ST18: variants seen among roughly 807,000 people sequenced by gnomAD.
ST18 encodes ST18 C2H2C-type zinc finger transcription factor, also known as suppression of tumorigenicity 18 protein.
A neutral mutation model predicts 110.0 loss-of-function variants in ST18; 50 were observed. That is an observed-to-expected ratio of 0.45 (90% CI 0.36 to 0.58). The LOEUF (loss-of-function observed/expected upper bound fraction) is 0.58, where lower values mean the gene tolerates loss of function less well. Among genes scored for constraint, ST18 ranks in the 20% least tolerant of loss-of-function variants. ST18 has a pLI of 0.00. For missense variants in ST18, 1,306 were observed against 1,280.1 expected (o/e 1.02, Z -0.31); for synonymous variants, 461 against 452.4 (o/e 1.02, Z -0.24).
chr8:52,297,527 A>T (rs957571013), intron 2 of ST18, among the ~76,000 whole-genome samples: 9 of 152,246 alleles, frequency 5.9e-5, no homozygotes, highest in African/African-American at 2.2e-4. Flanking sequence ...CCTAGAAAAA[A>T]TAGTATGTTT....
chr8:52,393,360 G>C (rs970703616), intron 2 of ST18, among the ~76,000 whole-genome samples: 1 of 152,088 alleles, frequency 6.6e-6, no homozygotes, highest in African/African-American at 2.4e-5. Flanking sequence ...AGAGAATAAC[G>C]CATGTGCAGC....
chr8:52,374,789 T>C (rs1442645582), intron 2 of ST18, among the ~76,000 whole-genome samples: 2 of 152,146 alleles, frequency 1.3e-5, no homozygotes, highest in Non-Finnish European at 2.9e-5. Context: ...TGGTGTTTGG[T>C]TTTCTGTTCC....
rs1416701721 is a variant in ST18 at position 52,373,046 on chromosome 8, G to A, written c.-465+36282C>T. Among the ~76,000 whole-genome samples, 12 of 152,336 alleles carry A rather than the reference G, an allele frequency of 7.9e-5. 1 individual carries two copies. In the South Asian group the frequency reaches 2.5e-3, roughly 32 times the overall value. On this transcript the variant is annotated intron_variant, in intron 2 of 25. Transcript: ENST00000689386. ...TTTGGGGGTACCCAGGAGTTCTGCA[G>A]AGGAGCCTCAGTTATGAGGTCAGCA...
chr8:52,247,559 T>C (rs1039597915), intron 2 of ST18, among the ~76,000 whole-genome samples: 1 of 152,196 alleles, frequency 6.6e-6, no homozygotes, highest in Non-Finnish European at 1.5e-5. Context: ...AGTTATGTTT[T>C]CTGAAACATT....
In ST18 at chr8:52,130,905, C is replaced by CAT. The variant is rs2049314515; in HGVS notation, c.2666+1051_2666+1052dup. ...ATTGTACAGTAAATGTGCCATTAGGCATACTTGATTTGTGACTGAAGTTCC... is the reference window on the plus strand; with the variant it reads ...ATTGTACAGTAAATGTGCCATTAGGCATATACTTGATTTGTGACTGAAGTTCC... On this transcript the variant is annotated intron_variant, in intron 22 of 25. Coordinates refer to ENST00000689386, the MANE Select transcript of ST18 (RefSeq NM_001352837.2). 2.0e-5 allele frequency among the ~76,000 whole-genome samples: 3 copies of CAT among 152,142 alleles called. No individual in the cohort carries two copies. The South Asian group carries it at 6.2e-4, about 32-fold the overall frequency.
intron 2 of ST18, among the ~76,000 whole-genome samples, chr8:52,378,560 C>T (rs1484929080): frequency 6.6e-6 from 1 of 152,066 alleles, no homozygotes; most frequent in Non-Finnish European, 1.5e-5. Context: ...GCCAGGAGGG[C>T]AGGCAGTCGT....
intron 2 of ST18, among the ~76,000 whole-genome samples, chr8:52,231,759 G>A (rs1012914056): frequency 1.3e-5 from 2 of 152,232 alleles, no homozygotes; most frequent in Non-Finnish European, 2.9e-5. Flanking sequence ...ACAGGTGTGA[G>A]CTGCAGTGCC....
At chr8:52,299,952 C>T (rs2095691933) in intron 2 of ST18, among the ~76,000 whole-genome samples, 1 of 152,182 alleles carries the variant, frequency 6.6e-6, no homozygotes, top group African/African-American at 2.4e-5. Context: ...CCTTCCTGTG[C>T]CTCTTGTGGC....
chr8:52,402,541 C>A (rs941814953), intron 2 of ST18, among the ~76,000 whole-genome samples: 4 of 152,112 alleles, frequency 2.6e-5, no homozygotes, highest in Non-Finnish European at 5.9e-5. Context: ...GACGCTCAGT[C>A]CCCAGAGAGC....
intron 2 of ST18, among the ~76,000 whole-genome samples, chr8:52,378,116 A>G (rs1432350800): frequency 6.6e-6 from 1 of 152,176 alleles, no homozygotes; most frequent in East Asian, 1.9e-4. Flanking sequence ...AGGGAGGGGA[A>G]TAGAGAAAGG....
intron 2 of ST18, among the ~76,000 whole-genome samples, chr8:52,357,947 T>C (rs1447798872): frequency 6.6e-6 from 1 of 151,044 alleles, no homozygotes; most frequent in East Asian, 1.9e-4. Flanking sequence ...AGACCATATG[T>C]TGAACCACAA....
At chr8:52,378,981 C>A (rs909663587) in intron 2 of ST18, among the ~76,000 whole-genome samples, 1 of 152,086 alleles carries the variant, frequency 6.6e-6, no homozygotes, top group African/African-American at 2.4e-5. Context: ...TTTCAATTGT[C>A]ATAATTCTTG....
chr8:52,220,922 TTAAA>T (rs1221181480), intron 4 of ST18, 74 bp from the exon 5 acceptor site: 1 of 152,176 alleles, frequency 6.6e-6, no homozygotes, highest in Non-Finnish European at 1.5e-5. Context: ...CAATAAACAC[TTAAA>T]TGAACAATCA....
chr8:52,225,641 G>A (rs531724474), intron 3 of ST18, among the ~76,000 whole-genome samples: 2 of 152,300 alleles, frequency 1.3e-5, no homozygotes, highest in African/African-American at 4.8e-5. Context: ...GGTGATGGAG[G>A]AGAAAGAGCC....
intron 2 of ST18, among the ~76,000 whole-genome samples, chr8:52,265,749 A>G (rs1285019709): frequency 1.3e-5 from 2 of 152,222 alleles, no homozygotes; most frequent in East Asian, 3.8e-4. Context: ...CCATGATAAA[A>G]TTAAGAATAA....
intron 2 of ST18, among the ~76,000 whole-genome samples, chr8:52,243,650 A>C (rs567855068): frequency 1.3e-5 from 2 of 152,228 alleles, no homozygotes; most frequent in Non-Finnish European, 2.9e-5. Flanking sequence ...ATTAAATTAT[A>C]TAATGCATGT....
chr8:52,201,871 G>A (rs7840334), intron 8 of ST18, among the ~76,000 whole-genome samples: 34,913 of 152,156 alleles, frequency 0.23, 4,865 homozygotes, highest in African/African-American at 0.39. Context: ...ATGACCAAAT[G>A]AGACCAAGTG....
intron 19 of ST18, among the ~76,000 whole-genome samples, chr8:52,135,356 T>C (rs1414205157): frequency 6.7e-6 from 1 of 150,110 alleles, no homozygotes; most frequent in East Asian, 2.0e-4. Context: ...GGGTCAGGAG[T>C]TTGAGACCAG....
In ST18 at chr8:52,172,500, A is replaced by G; in HGVS notation, c.361T>C (p.Cys121Arg). ...NSSRKEDRYS[C>R]YQELMVKSLM... ...GACTTGACCATGAGCTCTTGATAAC[A>G]AGAGTATCTGTCTTCCTTCCTACTG... The change falls in exon 10 of 26, where the codon TGT becomes CGT. Residue 121 changes from cysteine to arginine, a missense_variant. Physicochemically the swap from Cys to Arg is radical, Grantham distance 180 (BLOSUM62 -3). Transcript: ENST00000689386. The G allele has an allele frequency of 1.2e-6, 2 of 1,613,760 alleles. No individual in the cohort carries two copies. The highest frequency in any genetic ancestry group is 1.7e-6 in the Non-Finnish European group (2 of 1,179,992).
Sources: gnomAD v4.1 joint callset for allele counts (sites outside exome capture counted in the v4.1 genomes callset) on GRCh38, gnomAD v4.1.1 for gene constraint, MANE v1.5 for transcripts, NCBI Gene and HGNC (gene_info 2026-07-23, HGNC 2026-07-21) for gene names.